The following TENM3 variants were observed in gnomAD, a reference collection of about 807,000 sequenced individuals.
The protein encoded by TENM3 is teneurin-3.
A neutral mutation model predicts 255.1 loss-of-function variants in TENM3; 63 were observed. That is an observed-to-expected ratio of 0.25 (90% confidence interval 0.20 to 0.30). The LOEUF is 0.30. TENM3 is among the 10% of genes least tolerant of loss of function. TENM3 has a pLI of 1.00. For synonymous variants in TENM3, 1,306 were observed against 1,322.3 expected (o/e 0.99, Z 0.27); for missense variants, 2,929 against 3,461.1 (o/e 0.85, Z 3.86).
At chr4:182,487,355 A>G (rs1394819073) in intron 3 of TENM3, among the ~76,000 whole-genome samples, 1 of 152,216 alleles carries the variant, frequency 6.6e-6, no homozygotes, top group Non-Finnish European at 1.5e-5. Flanking sequence ...TAGATAACAG[A>G]TTAACTGTAT....
chr4:181,794,720 T>G, the TENM3 span, among the ~76,000 whole-genome samples: 1 of 151,432 alleles, frequency 6.6e-6, no homozygotes, highest in Non-Finnish European at 1.5e-5. Context: ...TTATTACTTT[T>G]ATTATGTAGT....
chr4:181,960,804 A>T, the TENM3 span, among the ~76,000 whole-genome samples: 1 of 152,208 alleles, frequency 6.6e-6, no homozygotes, highest in Non-Finnish European at 1.5e-5. Context: ...TTTTAAGCTT[A>T]CTTGACCACA....
intron 7 of TENM3, among the ~76,000 whole-genome samples, chr4:182,678,582 T>A (rs571793640): frequency 5.3e-4 from 80 of 152,286 alleles, no homozygotes; most frequent in Admixed American, 8.5e-4. Context: ...AAAGTGCTCT[T>A]GAGTTCACAA....
the TENM3 span, among the ~76,000 whole-genome samples, chr4:181,605,572 G>A: frequency 0.027 from 534 of 19,718 alleles, 38 homozygotes; most frequent in South Asian, 0.049. Context: ...GAAAGAAAGA[G>A]AGAGAAAGAA....
the TENM3 span, among the ~76,000 whole-genome samples, chr4:181,953,619 G>T: frequency 6.6e-6 from 1 of 152,006 alleles, no homozygotes; most frequent in Non-Finnish European, 1.5e-5. Flanking sequence ...AGGCGAGGTT[G>T]CAGTGAGCCA....
At chr4:182,038,366 A>G in the TENM3 span, among the ~76,000 whole-genome samples, 1 of 152,212 alleles carries the variant, frequency 6.6e-6, no homozygotes, top group Non-Finnish European at 1.5e-5. Context: ...TATTAAATGT[A>G]TTAGTATTCT....
chr4:181,905,375 C>T, the TENM3 span, among the ~76,000 whole-genome samples: 3 of 152,278 alleles, frequency 2.0e-5, no homozygotes, highest in Admixed American at 6.5e-5. Context: ...TAGATCATGA[C>T]TCATAGCCTT....
chr4:182,680,147 T>C (rs1164244065), intron 8 of TENM3, 101 bp from the exon 9 acceptor site: 2 of 886,410 alleles, frequency 2.3e-6, no homozygotes, highest in East Asian at 2.6e-5. Flanking sequence ...TTTGCTTTAC[T>C]ACTCAAATTA....
Position 182,799,747 on chromosome 4 carries a change from G to A in TENM3, c.7496G>A (p.Gly2499Asp), listed in dbSNP as rs1477839220. The A allele has an allele frequency of 6.4e-7, 1 of 1,565,760 alleles. No individual in the cohort carries two copies. Among genetic ancestry groups the A allele is most frequent in the Non-Finnish European group, 8.6e-7 (1 of 1,156,488 alleles). Residue 2499 changes from glycine (G) to aspartate (D), a missense_variant, in exon 28 of 28, where the codon GGC becomes GAC. Coordinates refer to ENST00000511685, the MANE Select transcript of TENM3 (RefSeq NM_001080477.4). The surrounding 1 kb of genome is among the most constrained non-coding windows in gnomAD (Gnocchi z 4.2). ...ACGGTCAAGTCGCTGATCGGCAAGG[G>A]CGTCATGCTGGCCGTCAGCCAGGGC... Reference protein sequence around the residue: ...FATVKSLIGKGVMLAVSQGRV... With the variant: ...FATVKSLIGKDVMLAVSQGRV...
chr4:182,707,558 G>A lies in TENM3; in HGVS notation c.2222-6529G>A, dbSNP rs115803972. On this transcript the variant is annotated intron_variant, in intron 12 of 27. Transcript: ENST00000511685. ...ATTCTTAAAAAGAAGCACCTAGAGG[G>A]GAGATGTGTGAAAAGAATACAGGAG... 6.6e-3 allele frequency among the ~76,000 whole-genome samples: 1,009 copies of A among 152,284 alleles called. 14 individuals carry two copies. Among genetic ancestry groups the A allele is most frequent in the African/African-American group, 0.023 (972 of 41,564 alleles).
At chr4:181,816,146 T>C in the TENM3 span, among the ~76,000 whole-genome samples, 1 of 152,184 alleles carries the variant, frequency 6.6e-6, no homozygotes, top group Non-Finnish European at 1.5e-5. Flanking sequence ...TTTCCACTCA[T>C]AGTGGCCTCA....
chr4:181,722,089 G>C, the TENM3 span, among the ~76,000 whole-genome samples: 110 of 152,282 alleles, frequency 7.2e-4, 1 homozygote, highest in South Asian at 0.022. Context: ...AAACTGAGAT[G>C]AAAAAGAAGA....
chr4:182,789,420 G>A lies in TENM3; in HGVS notation c.5601+31G>A, dbSNP rs924060009. On this transcript the variant is annotated intron_variant, in intron 25 of 27. Transcript: ENST00000511685. The surrounding 1 kb of genome is among the most constrained non-coding windows in gnomAD (Gnocchi z 4.4). ...CCTGCAAACTAAGCTCAACAATAGG[G>A]AAAGGATAATTCACATTTTTCAGCA... The A allele has an allele frequency of 1.1e-5, 18 of 1,583,816 alleles. No homozygotes were observed. Among genetic ancestry groups the A allele is most frequent in the African/African-American group, 5.4e-5 (4 of 74,370 alleles).
the TENM3 span, among the ~76,000 whole-genome samples, chr4:181,657,020 A>G: frequency 1.3e-5 from 2 of 152,238 alleles, no homozygotes; most frequent in Admixed American, 6.5e-5. Flanking sequence ...ACCCAGTGCA[A>G]TGGGATTCAG....
chr4:181,583,383 T>A, the TENM3 span, among the ~76,000 whole-genome samples: 1 of 145,964 alleles, frequency 6.9e-6, no homozygotes, highest in South Asian at 2.2e-4. Context: ...TCATCTCTGC[T>A]AGGCAGTAAA....
At chr4:182,286,132 G>T (rs767737804) in intron 1 of TENM3, among the ~76,000 whole-genome samples, 1 of 152,078 alleles carries the variant, frequency 6.6e-6, no homozygotes, top group Non-Finnish European at 1.5e-5. Flanking sequence ...TAAACTGCAG[G>T]GCATGTTTCT....
chr4:182,183,960 A>T (rs986380226), intron 1 of TENM3, among the ~76,000 whole-genome samples: 1 of 152,184 alleles, frequency 6.6e-6, no homozygotes, highest in African/African-American at 2.4e-5. Flanking sequence ...ACATTTATAT[A>T]AAAAAACCAA....
At chr4:182,348,206 G>A (rs574448607) in intron 3 of TENM3, among the ~76,000 whole-genome samples, 27 of 152,180 alleles carry the variant, frequency 1.8e-4, no homozygotes, top group African/African-American at 5.8e-4. Flanking sequence ...AGTTCTTGGT[G>A]GAGGCTGGCT....
intron 4 of TENM3, among the ~76,000 whole-genome samples, chr4:182,611,764 C>G (rs972308277): frequency 1.3e-5 from 2 of 152,162 alleles, no homozygotes; most frequent in African/African-American, 2.4e-5. Context: ...CTGTCTTTAT[C>G]ATTCTTGAAC....
Sources: allele counts gnomAD v4.1 joint callset (sites outside exome capture counted in the v4.1 genomes callset), GRCh38; gene constraint gnomAD v4.1.1; non-coding constraint Gnocchi (gnomAD v3.1); transcripts MANE v1.5; gene names NCBI Gene and HGNC (gene_info 2026-07-23, HGNC 2026-07-21).